B3GALT1: variants seen among roughly 807,000 people sequenced by gnomAD.
B3GALT1 encodes beta-1,3-galactosyltransferase 1.
In B3GALT1, 10 loss-of-function variants were observed where a neutral mutation model predicts 23.2. The ratio of observed to expected loss-of-function variants is 0.43; its 90% CI spans 0.27 to 0.73. The LOEUF is 0.73. Ranked by LOEUF, B3GALT1 falls within the 30% of genes least tolerant of loss-of-function variation. The pLI is 0.21. For synonymous variants in B3GALT1, 156 were observed against 141.5 expected (o/e 1.10, Z -0.73); for missense variants, 299 against 405.4 (o/e 0.74, Z 2.25).
chr2:167,603,324 C>T (rs1401214094), intron 2 of B3GALT1, among the ~76,000 whole-genome samples: 1 of 152,144 alleles, frequency 6.6e-6, no homozygotes, highest in East Asian at 1.9e-4. Flanking sequence ...AGATAAATGC[C>T]AACTCCATCT....
At chr2:167,808,204 G>A (rs13029585) in intron 3 of B3GALT1, among the ~76,000 whole-genome samples, 31,270 of 147,436 alleles carry the variant, frequency 0.21, 4,526 homozygotes, top group East Asian at 0.36. Context: ...GTCTCTGCAC[G>A]TGAGATGGGT....
At chr2:167,606,194 G>C (rs1079439) in intron 2 of B3GALT1, among the ~76,000 whole-genome samples, 123,156 of 152,170 alleles carry the variant, frequency 0.81, 49,922 homozygotes, top group Admixed American at 0.88. Context: ...CATGGAATTA[G>C]AAAGGGAGAT....
At chr2:167,779,239 CT>C (rs1225898759) in intron 3 of B3GALT1, among the ~76,000 whole-genome samples, 1 of 151,754 alleles carries the variant, frequency 6.6e-6, no homozygotes, top group East Asian at 1.9e-4. Flanking sequence ...TTTTTGGAGG[CT>C]GTTTAAACAA....
intron 3 of B3GALT1, among the ~76,000 whole-genome samples, chr2:167,790,883 T>C (rs1484696981): frequency 6.6e-6 from 1 of 152,176 alleles, no homozygotes; most frequent in African/African-American, 2.4e-5. Context: ...ACTTTGAAAT[T>C]ATATTTTGTA....
chr2:167,847,032 AG>A (rs1172300432), intron 4 of B3GALT1, among the ~76,000 whole-genome samples: 3 of 152,216 alleles, frequency 2.0e-5, no homozygotes, highest in Non-Finnish European at 4.4e-5. Context: ...TAAGGGTAAA[AG>A]CCTTGTCCAA....
chr2:167,862,020 G>T (rs1218639329), intron 4 of B3GALT1, among the ~76,000 whole-genome samples: 1 of 152,200 alleles, frequency 6.6e-6, no homozygotes, highest in Non-Finnish European at 1.5e-5. Flanking sequence ...TGCCCATGGT[G>T]AAGGGAAGCT....
chr2:167,513,159 G>A (rs1471786834), intron 2 of B3GALT1, among the ~76,000 whole-genome samples: 1 of 148,632 alleles, frequency 6.7e-6, no homozygotes, highest in Non-Finnish European at 1.5e-5. Context: ...GAAGTTAAAT[G>A]ACACATGAAG....
chr2:167,738,107 G>A (rs1446192374), intron 3 of B3GALT1, among the ~76,000 whole-genome samples: 3 of 152,240 alleles, frequency 2.0e-5, no homozygotes, highest in Non-Finnish European at 2.9e-5. Context: ...AACTTACAAT[G>A]ACAGTAGTGC....
intron 2 of B3GALT1, among the ~76,000 whole-genome samples, chr2:167,509,572 G>C (rs1163544276): frequency 2.0e-5 from 3 of 152,150 alleles, no homozygotes; most frequent in African/African-American, 7.2e-5. Context: ...GATGGCCGAA[G>C]AAGCCCTTTT....
chr2:167,425,752 T>C (rs1698613444), intron 1 of B3GALT1, among the ~76,000 whole-genome samples: 1 of 152,240 alleles, frequency 6.6e-6, no homozygotes, highest in Non-Finnish European at 1.5e-5. Context: ...AATATCAGGC[T>C]ATAATGATTT....
intron 3 of B3GALT1, among the ~76,000 whole-genome samples, chr2:167,738,426 G>A (rs1687525034): frequency 6.6e-6 from 1 of 152,078 alleles, no homozygotes; most frequent in South Asian, 2.1e-4. Context: ...TGGACAGAAT[G>A]GCAGTGACAG....
rs141279576 is a variant in B3GALT1 at position 167,798,642 on chromosome 2, G to A, written c.-351-20030G>A. On this transcript the variant is annotated intron_variant, in intron 3 of 4. Transcript: ENST00000392690. ...TCTCTATTATGTTCTATTGGTCTAC[G>A]TGTCTATTTTTATACCAGTTCCATG... Among the ~76,000 whole-genome samples, 125 of 152,202 alleles carry A rather than the reference G, an allele frequency of 8.2e-4. 1 individual carries two copies. Among genetic ancestry groups the A allele is most frequent in the Non-Finnish European group, 1.5e-3 (99 of 67,994 alleles).
At chr2:167,785,930 G>A (rs73019391) in intron 3 of B3GALT1, among the ~76,000 whole-genome samples, 1 of 152,308 alleles carries the variant, frequency 6.6e-6, no homozygotes, top group African/African-American at 2.4e-5. Context: ...CTGCTTTTCC[G>A]ATTTCATAGT....
intron 1 of B3GALT1, among the ~76,000 whole-genome samples, chr2:167,352,018 G>A (rs1697316734): frequency 7.0e-6 from 1 of 143,308 alleles, no homozygotes; most frequent in African/African-American, 2.7e-5. Context: ...GGAGTGTAGT[G>A]GCACGATCTT....
At chr2:167,359,149 A>G (rs1697461321) in intron 1 of B3GALT1, among the ~76,000 whole-genome samples, 1 of 152,198 alleles carries the variant, frequency 6.6e-6, no homozygotes. Flanking sequence ...TGTTTAATCC[A>G]TATTTTACAT....
intron 4 of B3GALT1, among the ~76,000 whole-genome samples, chr2:167,852,724 C>G (rs956458703): frequency 6.6e-6 from 1 of 152,092 alleles, no homozygotes; most frequent in African/African-American, 2.4e-5. Flanking sequence ...TTTGATACAC[C>G]TTTCCAGCAC....
In B3GALT1 at chr2:167,648,184, A is replaced by G. The variant is rs564554377; in HGVS notation, c.-352+1218A>G. On this transcript the variant is annotated intron_variant, in intron 3 of 4. Coordinates refer to ENST00000392690, the MANE Select transcript of B3GALT1 (RefSeq NM_020981.4). ...TCATCTCCCTATTATGATATCTCAA[A>G]TTTTCAGTTCATTATAAATACCATT... Among the ~76,000 whole-genome samples the G allele has an allele frequency of 2.0e-5, 3 of 152,212 alleles. No homozygotes were observed. In the East Asian group the frequency reaches 5.8e-4, roughly 29 times the overall value.
intron 3 of B3GALT1, among the ~76,000 whole-genome samples, chr2:167,721,466 T>TC (rs1024704992): frequency 2.0e-5 from 3 of 152,198 alleles, no homozygotes; most frequent in Non-Finnish European, 4.4e-5. Context: ...GATTTTTTTT[T>TC]CCCATCAGAA....
chr2:167,335,105 A>G (rs148056473), intron 1 of B3GALT1, among the ~76,000 whole-genome samples: 5 of 152,246 alleles, frequency 3.3e-5, no homozygotes, highest in African/African-American at 1.2e-4. Context: ...CTCTAGGTCA[A>G]ACTCCATTTT....
Sources: allele counts gnomAD v4.1 joint callset (sites outside exome capture counted in the v4.1 genomes callset), GRCh38; gene constraint gnomAD v4.1.1; transcripts MANE v1.5; gene names NCBI Gene and HGNC (gene_info 2026-07-23, HGNC 2026-07-21).